Variants in SNX9 observed in about 807,000 individuals in gnomAD.
The protein encoded by SNX9 is sorting nexin-9.
In SNX9, 44 loss-of-function variants were observed where a neutral mutation model predicts 89.4. The ratio of observed to expected loss-of-function variants is 0.49; its 90% CI spans 0.39 to 0.63. The LOEUF (loss-of-function observed/expected upper bound fraction) is 0.63. Among genes scored for constraint, SNX9 ranks in the 30% least tolerant of loss-of-function variants. The pLI, the probability that SNX9 is intolerant of heterozygous loss-of-function variation, is 0.00. For synonymous variants in SNX9, 236 were observed against 247.8 expected, an observed-to-expected ratio of 0.95 and a Z score of 0.45; for missense variants, 578 against 736.1, an observed-to-expected ratio of 0.79 and a Z score of 2.49.
chr6:157,916,062 T>A (rs180910046), intron 9 of SNX9, among the ~76,000 whole-genome samples: 1 of 150,782 alleles, frequency 6.6e-6, no homozygotes, highest in Non-Finnish European at 1.5e-5. Flanking sequence ...TGAGACGGAG[T>A]CTCGCTCTGT....
At chr6:157,825,964 A>G (rs889766999) in intron 1 of SNX9, among the ~76,000 whole-genome samples, 1 of 151,934 alleles carries the variant, frequency 6.6e-6, no homozygotes, top group African/African-American at 2.4e-5. Flanking sequence ...TATAAGTATT[A>G]ACTGATGAAA....
chr6:157,846,047 C>G (rs960547809), intron 1 of SNX9, among the ~76,000 whole-genome samples: 2 of 152,196 alleles, frequency 1.3e-5, no homozygotes, highest in African/African-American at 4.8e-5. Context: ...GAGAGGCGCC[C>G]GTCCTGCTGT....
intron 6 of SNX9, among the ~76,000 whole-genome samples, chr6:157,905,027 C>T (rs890545868): frequency 1.3e-5 from 2 of 152,162 alleles, no homozygotes; most frequent in African/African-American, 4.8e-5. Flanking sequence ...TCTTTAATTC[C>T]CTTATCACCT....
At chr6:157,826,781 T>TTATATTTTATATAATATATAAA (rs1781354129) in intron 1 of SNX9, among the ~76,000 whole-genome samples, 1 of 81,494 alleles carries the variant, frequency 1.2e-5, no homozygotes, top group Non-Finnish European at 2.5e-5. Context: ...TATAAATATA[T>TTATATTTTATATAATATATAAA]TATATTATAT....
chr6:157,905,075 G>A (rs1360105078), intron 6 of SNX9, among the ~76,000 whole-genome samples: 1 of 152,148 alleles, frequency 6.6e-6, no homozygotes, highest in African/African-American at 2.4e-5. Context: ...CTTCCACAAG[G>A]AGATTTCAGC....
Position 157,867,621 on chromosome 6 carries a change from A to G in SNX9, c.87A>G (p.Thr29=), listed in dbSNP as rs545259550. 9.3e-6 allele frequency: 15 copies of G among 1,611,374 alleles called. No homozygotes were observed. The highest frequency in any genetic ancestry group is 1.7e-5 in the Admixed American group (1 of 59,970). ...CGGTTAATGAAGGAGAAATCATCACAATCACAAATCCGGTAAGAGAACTGT... is the reference window on the plus strand; with the variant it reads ...CGGTTAATGAAGGAGAAATCATCACGATCACAAATCCGGTAAGAGAACTGT... The part of the protein sequence containing the change: ...ELTVNEGEII[T]ITNPDVGGGW... The change falls in exon 2 of 18, where the codon ACA becomes ACG. Residue 29 remains threonine (T), a synonymous_variant. Coordinates refer to ENST00000392185, the MANE Select transcript of SNX9 (RefSeq NM_016224.5).
chr6:157,869,989 C>T (rs562589287), intron 2 of SNX9, among the ~76,000 whole-genome samples: 3 of 152,180 alleles, frequency 2.0e-5, no homozygotes, highest in African/African-American at 7.2e-5. Flanking sequence ...CGTACCTTCT[C>T]ACTCTCACCT....
chr6:157,941,305 G>T (rs1442363911), intron 17 of SNX9, among the ~76,000 whole-genome samples: 1 of 152,076 alleles, frequency 6.6e-6, no homozygotes, highest in Non-Finnish European at 1.5e-5. Context: ...ATGAGATGAG[G>T]TCACCCAGCC....
intron 10 of SNX9, among the ~76,000 whole-genome samples, chr6:157,925,890 C>A (rs750031969): frequency 1.3e-5 from 2 of 150,834 alleles, no homozygotes; most frequent in Non-Finnish European, 2.9e-5. Flanking sequence ...GGCTGGAAGT[C>A]GAAGATCAAG....
At chr6:157,865,262 C>G (rs1362507027) in intron 1 of SNX9, among the ~76,000 whole-genome samples, 1 of 151,694 alleles carries the variant, frequency 6.6e-6, no homozygotes, top group African/African-American at 2.4e-5. Context: ...TCGCTTGAAC[C>G]CAGGAGGCAG....
chr6:157,831,111 C>G (rs1328820564), intron 1 of SNX9, among the ~76,000 whole-genome samples: 1 of 152,180 alleles, frequency 6.6e-6, no homozygotes, highest in Non-Finnish European at 1.5e-5. Flanking sequence ...TTAAGCATGT[C>G]AAAACATTAA....
chr6:157,896,343 G>A (rs954539946), intron 4 of SNX9, among the ~76,000 whole-genome samples: 5 of 152,194 alleles, frequency 3.3e-5, no homozygotes, highest in Admixed American at 1.3e-4. Context: ...CTATAAAGCA[G>A]TTAGAAATAG....
At chr6:157,876,666 G>T (rs540594504) in intron 4 of SNX9, among the ~76,000 whole-genome samples, 2 of 152,306 alleles carry the variant, frequency 1.3e-5, no homozygotes, top group African/African-American at 4.8e-5. Context: ...GAGAACATTG[G>T]CCAGGTAAGG....
At chr6:157,902,699 G>A (rs1224666567) in intron 6 of SNX9, among the ~76,000 whole-genome samples, 2 of 151,974 alleles carry the variant, frequency 1.3e-5, no homozygotes, top group Non-Finnish European at 1.5e-5. Context: ...CAGGCGTCTC[G>A]CTCTGTCACC....
chr6:157,942,013 T>TC (rs553157442), intron 17 of SNX9, among the ~76,000 whole-genome samples: 178 of 152,384 alleles, frequency 1.2e-3, no homozygotes, highest in African/African-American at 3.2e-3. Context: ...AGGGCAACTC[T>TC]CAAAATTTTG....
At position 157,941,656 on chromosome 6, in the gene SNX9, A is replaced by T. The variant is rs1784038459; in HGVS notation, c.1740+682A>T. On this transcript the variant is annotated intron_variant, in intron 17 of 17. Transcript: ENST00000392185. ...TACCCAGCTCCCCTCTGGCCATGGG[A>T]TCTAAGCCATGTTCATGGGGAGTGG... Among the ~76,000 whole-genome samples the T allele has an allele frequency of 2.0e-5, 3 of 152,158 alleles. 1 individual carries two copies. In the South Asian group the frequency reaches 6.2e-4, roughly 32 times the overall value.
rs544349460 is a variant in SNX9 at position 157,883,390 on chromosome 6, A to G, written c.300+8214A>G. Among the ~76,000 whole-genome samples, 10 of 152,270 alleles carry G rather than the reference A, an allele frequency of 6.6e-5. No homozygotes were observed. In the South Asian group the frequency reaches 2.1e-3, roughly 32 times the overall value. On this transcript the variant is annotated intron_variant, in intron 4 of 17. Coordinates refer to ENST00000392185, the MANE Select transcript of SNX9 (RefSeq NM_016224.5). ...TGCTTTTATGTCATCTCCTTGTTTA[A>G]GAAACTTCAGAGTCTCCTCTATTGC...
At chr6:157,901,158 C>T (rs1783089233) in intron 5 of SNX9, among the ~76,000 whole-genome samples, 2 of 152,198 alleles carry the variant, frequency 1.3e-5, no homozygotes, top group South Asian at 4.1e-4. Context: ...GCTGTTGGCT[C>T]ATTCTGGCAG....
chr6:157,922,038 C>T (rs915464014), intron 10 of SNX9, among the ~76,000 whole-genome samples: 1 of 152,160 alleles, frequency 6.6e-6, no homozygotes, highest in Non-Finnish European at 1.5e-5. Flanking sequence ...TCACGTTGCC[C>T]TTACAATGTA....
Sources: allele counts gnomAD v4.1 joint callset (sites outside exome capture counted in the v4.1 genomes callset), GRCh38; gene constraint gnomAD v4.1.1; transcripts MANE v1.5; gene names NCBI Gene and HGNC (gene_info 2026-07-23, HGNC 2026-07-21).